CTNNA2: variants seen among roughly 807,000 people sequenced by gnomAD.
CTNNA2 encodes catenin alpha-2.
In CTNNA2, 42 loss-of-function variants were observed where a neutral mutation model predicts 101.0. That is an observed-to-expected ratio of 0.42 (90% confidence interval 0.32 to 0.54). The LOEUF is 0.54. Among genes scored for constraint, CTNNA2 ranks in the 20% least tolerant of loss-of-function variants. CTNNA2 has a pLI of 0.14. For missense variants in CTNNA2, 871 were observed against 1,223.1 expected, an observed-to-expected ratio of 0.71 and a Z score of 4.29; for synonymous variants, 450 against 456.4, an observed-to-expected ratio of 0.99 and a Z score of 0.18.
intron 2 of CTNNA2, among the ~76,000 whole-genome samples, chr2:79,240,075 A>G (rs1294908030): frequency 1.3e-5 from 2 of 151,590 alleles, no homozygotes; most frequent in Admixed American, 6.6e-5. Context: ...TACTCAGCTA[A>G]TTTTGTATTT....
At chr2:79,662,128 A>G (rs1304436137) in intron 2 of CTNNA2, among the ~76,000 whole-genome samples, 1 of 151,924 alleles carries the variant, frequency 6.6e-6, no homozygotes, top group African/African-American at 2.4e-5. Flanking sequence ...TCTTGTTTGT[A>G]TCGCCTAATC....
intron 7 of CTNNA2, among the ~76,000 whole-genome samples, chr2:79,936,823 G>C (rs1308352928): frequency 6.6e-6 from 1 of 152,150 alleles, no homozygotes; most frequent in African/African-American, 2.4e-5. Context: ...GAGGAGGCCT[G>C]TGCAGATGAA....
intron 9 of CTNNA2, among the ~76,000 whole-genome samples, chr2:80,498,033 T>G (rs1687602630): frequency 6.6e-6 from 1 of 152,184 alleles, no homozygotes; most frequent in Non-Finnish European, 1.5e-5. Flanking sequence ...AGTCCCTATA[T>G]TTCTATTTAT....
chr2:79,251,032 G>C (rs1674764542), intron 2 of CTNNA2, among the ~76,000 whole-genome samples: 1 of 152,150 alleles, frequency 6.6e-6, no homozygotes, highest in African/African-American at 2.4e-5. Flanking sequence ...CCGTAGTAAT[G>C]GTTAAAATCT....
At chr2:80,373,855 A>G (rs562638953) in intron 7 of CTNNA2, among the ~76,000 whole-genome samples, 1 of 152,244 alleles carries the variant, frequency 6.6e-6, no homozygotes, top group Non-Finnish European at 1.5e-5. Flanking sequence ...GAAATACTGA[A>G]GAGCTTTCCG....
rs761702693 is a variant in CTNNA2 at position 79,980,426 on chromosome 2, T to C, written c.1056+70629T>C. Among the ~76,000 whole-genome samples, 299 of 152,268 alleles carry C rather than the reference T, an allele frequency of 2.0e-3. 4 individuals carry two copies. The highest frequency in any genetic ancestry group is 0.017 in the Admixed American group (260 of 15,300). On this transcript the variant is annotated intron_variant, in intron 7 of 18. Coordinates refer to ENST00000402739, the MANE Select transcript of CTNNA2 (RefSeq NM_001282597.3). ...ACTGGTAATATCAACCTCATTGGTT[T>C]TAATATTTTTAACTCCAAAGCCCTC...
intron 7 of CTNNA2, among the ~76,000 whole-genome samples, chr2:80,373,419 G>T (rs1351471856): frequency 1.3e-5 from 2 of 152,146 alleles, no homozygotes; most frequent in African/African-American, 2.4e-5. Flanking sequence ...CCCATAAGGG[G>T]ATAGGTATCA....
intron 6 of CTNNA2, among the ~76,000 whole-genome samples, chr2:79,893,393 G>C (rs539104342): frequency 6.6e-6 from 1 of 152,080 alleles, no homozygotes; most frequent in Non-Finnish European, 1.5e-5. Flanking sequence ...GCTGGTTCTT[G>C]TGAGGTTTTC....
chr2:79,201,301 T>C (rs1345810527), intron 2 of CTNNA2, among the ~76,000 whole-genome samples: 1 of 152,202 alleles, frequency 6.6e-6, no homozygotes, highest in Non-Finnish European at 1.5e-5. Flanking sequence ...AGCACTCTAA[T>C]GGTAAGGAGA....
chr2:79,219,630 C>T (rs1486165786), intron 2 of CTNNA2, among the ~76,000 whole-genome samples: 1 of 152,148 alleles, frequency 6.6e-6, no homozygotes, highest in Non-Finnish European at 1.5e-5. Flanking sequence ...AGTGCATTTA[C>T]ACCTGCAAGC....
intron 2 of CTNNA2, among the ~76,000 whole-genome samples, chr2:79,714,871 G>A (rs1455701196): frequency 1.3e-5 from 2 of 151,816 alleles, no homozygotes; most frequent in Non-Finnish European, 2.9e-5. Context: ...TCTTAGAAGG[G>A]CAAGTGTTTA....
At position 80,349,897 on chromosome 2, in the gene CTNNA2, T is replaced by C. The variant is rs140370242; in HGVS notation, c.1057-43314T>C. Among the ~76,000 whole-genome samples the C allele has an allele frequency of 6.2e-3, 942 of 152,288 alleles. 5 individuals carry two copies. Among genetic ancestry groups the C allele is most frequent in the Middle Eastern group, 0.01 (3 of 294 alleles). On this transcript the variant is annotated intron_variant, in intron 7 of 18. Transcript: ENST00000402739. ...TCCCTTATCTTTTTTGATTAAGAAGTTTTATTTCAACTTATTTGAAATTGT... is the reference window on the plus strand; with the variant it reads ...TCCCTTATCTTTTTTGATTAAGAAGCTTTATTTCAACTTATTTGAAATTGT...
In CTNNA2 at chr2:80,583,851, GTCTTT is replaced by G. The variant is rs916752383; in HGVS notation, c.2007+2036_2007+2040del. ...TCATCTATTATTTCTTCACACTAGT[GTCTTT>G]TCTGAGAGTTTTTTTCAGCATGAAT... On this transcript the variant is annotated intron_variant, in intron 14 of 18. Transcript: ENST00000402739. Among the ~76,000 whole-genome samples, 9 of 152,112 alleles carry G rather than the reference GTCTTT, an allele frequency of 5.9e-5. 1 individual carries two copies. The highest frequency in any genetic ancestry group is 5.9e-4 in the Admixed American group (9 of 15,264).
intron 9 of CTNNA2, among the ~76,000 whole-genome samples, chr2:80,492,990 A>C (rs1687180811): frequency 6.6e-6 from 1 of 152,126 alleles, no homozygotes; most frequent in Admixed American, 6.5e-5. Context: ...GGAGGCAGAG[A>C]CCATAATTTT....
intron 17 of CTNNA2, among the ~76,000 whole-genome samples, chr2:80,609,756 C>T (rs1416528129): frequency 6.6e-6 from 1 of 151,636 alleles, no homozygotes; most frequent in Non-Finnish European, 1.5e-5. Context: ...TGTTACTTTC[C>T]AATCTTATTA....
intron 7 of CTNNA2, among the ~76,000 whole-genome samples, chr2:80,176,350 G>C (rs560888877): frequency 1.3e-5 from 2 of 151,978 alleles, no homozygotes; most frequent in Non-Finnish European, 2.9e-5. Context: ...ACATGACAAA[G>C]GAAAAAGAAA....
chr2:79,611,369 A>G (rs1678260462), intron 1 of CTNNA2, among the ~76,000 whole-genome samples: 2 of 152,132 alleles, frequency 1.3e-5, no homozygotes, highest in Admixed American at 1.3e-4. Flanking sequence ...CCAGCTCTAC[A>G]AGGAAGCCAA....
intron 7 of CTNNA2, among the ~76,000 whole-genome samples, chr2:80,044,528 T>G (rs1328138273): frequency 6.6e-6 from 1 of 152,146 alleles, no homozygotes; most frequent in Admixed American, 6.5e-5. Context: ...GAGTACCAAA[T>G]GCAGCTGGTA....
At chr2:79,687,654 G>T in intron 2 of CTNNA2, 1 of 636,934 alleles carries the variant, frequency 1.6e-6, no homozygotes, top group Non-Finnish European at 2.9e-6. Flanking sequence ...CTGTTGAATT[G>T]GGTAACTCTT....
Sources: gnomAD v4.1 joint callset for allele counts (sites outside exome capture counted in the v4.1 genomes callset) on GRCh38, gnomAD v4.1.1 for gene constraint, MANE v1.5 for transcripts, NCBI Gene and HGNC (gene_info 2026-07-23, HGNC 2026-07-21) for gene names.